Variants in CLASP1 observed in about 807,000 individuals in gnomAD.
CLASP1 encodes cytoplasmic linker associated protein 1.
Under a neutral mutation model 192.3 loss-of-function variants are expected in CLASP1, and 38 were observed. The ratio of observed to expected loss-of-function variants is 0.20; its 90% CI spans 0.15 to 0.26. The LOEUF (loss-of-function observed/expected upper bound fraction) is 0.26. CLASP1 is among the 10% of genes least tolerant of loss of function. The probability of loss-of-function intolerance (pLI) is 1.00; values close to 1 mark genes in which losing one functional copy is unlikely to be tolerated. For synonymous variants in CLASP1, 691 were observed against 712.8 expected (o/e 0.97, Z 0.49); for missense variants, 1,433 against 1,932.5 (o/e 0.74, Z 4.85).
At chr2:121,554,454 TAAAAAAAAAAA>T (rs56965310) in intron 2 of CLASP1, among the ~76,000 whole-genome samples, 3 of 87,562 alleles carry the variant, frequency 3.4e-5, no homozygotes, top group Non-Finnish European at 6.8e-5. Flanking sequence ...CTACAAAAAG[TAAAAAAAAAAA>T]AAAAAAAAAA....
In CLASP1 at chr2:121,441,745, T is replaced by TA. The variant is rs879844094; in HGVS notation, c.1912+5591dup. Reference sequence around the variant, plus strand: ...TGGGTAACAAATGAGACCCTGCCTTTAAAAAAAAAAAAATTTCCTTCATAT... The same window carrying TA: ...TGGGTAACAAATGAGACCCTGCCTTTAAAAAAAAAAAAAATTTCCTTCATAT... On this transcript the variant is annotated intron_variant, in intron 19 of 39. Transcript: ENST00000263710. Among the ~76,000 whole-genome samples the TA allele has an allele frequency of 3.1e-3, 452 of 145,590 alleles. 5 individuals are homozygous for TA. Among genetic ancestry groups the TA allele is most frequent in the East Asian group, 0.029 (143 of 5,016 alleles).
At chr2:121,377,638 T>C (rs2070562373) in exon 34 of CLASP1, 1 of 1,573,794 alleles carries the variant, frequency 6.4e-7, no homozygotes. Flanking sequence ...CTCTGTATCA[T>C]AGTCCAGCAT....
At position 121,458,991 on chromosome 2, in the gene CLASP1, G is replaced by A; in HGVS notation, c.1179-16C>T. On this transcript the variant is annotated splice_polypyrimidine_tract_variant and intron_variant, in intron 12 of 39. Transcript: ENST00000263710. Reference sequence around the variant, plus strand: ...TGACAGATGCCTAAAACAAGAAAAGGATACTGGACTATAGTTATTTTTCTT... The same window carrying A: ...TGACAGATGCCTAAAACAAGAAAAGAATACTGGACTATAGTTATTTTTCTT... 1 of 1,586,188 alleles carries A rather than the reference G, an allele frequency of 6.3e-7. No homozygotes were observed. Among genetic ancestry groups the A allele is most frequent in the Non-Finnish European group, 8.6e-7 (1 of 1,167,134 alleles).
Position 121,647,078 on chromosome 2 carries a change from TA to T in CLASP1, c.-286+2293del, listed in dbSNP as rs1348755448. Among the ~76,000 whole-genome samples, 485 of 145,310 alleles carry T rather than the reference TA, an allele frequency of 3.3e-3. 2 individuals are homozygous for T. The highest frequency in any genetic ancestry group is 0.011 in the African/African-American group (446 of 38,936). On this transcript the variant is annotated intron_variant, in intron 1 of 39. Transcript: ENST00000263710. ...AAAAAAAATCTAAATCTAAAACCAG[TA>T]AACATGGGCCGAGCGCGATTGCTCA...
At chr2:121,484,592 C>T (rs377090005) in intron 8 of CLASP1, among the ~76,000 whole-genome samples, 7 of 152,078 alleles carry the variant, frequency 4.6e-5, no homozygotes, top group East Asian at 1.9e-4. Flanking sequence ...ATATGGAGGC[C>T]AGGATTATCT....
chr2:121,468,894 G>C (rs2090152663), intron 9 of CLASP1, among the ~76,000 whole-genome samples: 1 of 152,122 alleles, frequency 6.6e-6, no homozygotes, highest in Admixed American at 6.5e-5. Context: ...GCCCTTGCTG[G>C]AGAGGGGTTG....
At chr2:121,394,042 C>T (rs1361465928) in intron 30 of CLASP1, among the ~76,000 whole-genome samples, 2 of 152,126 alleles carry the variant, frequency 1.3e-5, no homozygotes, top group African/African-American at 4.8e-5. Context: ...AAAAGAGACA[C>T]TAAAGCCCTG....
intron 1 of CLASP1, among the ~76,000 whole-genome samples, chr2:121,616,699 C>T (rs966584295): frequency 2.0e-5 from 3 of 152,172 alleles, no homozygotes; most frequent in Admixed American, 6.5e-5. Flanking sequence ...AAGAAAGACG[C>T]GCTGCCATGC....
intron 17 of CLASP1, 70 bp from the exon 18 acceptor site, chr2:121,448,395 AG>A: frequency 7.8e-7 from 1 of 1,285,280 alleles, no homozygotes; most frequent in Non-Finnish European, 1.1e-6. Flanking sequence ...AAACTACAAC[AG>A]GAAATTATTA....
intron 19 of CLASP1, among the ~76,000 whole-genome samples, chr2:121,440,372 C>T (rs2083099496): frequency 6.6e-6 from 1 of 152,128 alleles, no homozygotes; most frequent in South Asian, 2.1e-4. Flanking sequence ...ATATAAAATG[C>T]TCTGTGGTAA....
At chr2:121,341,973 T>C (rs1490461668) in intron 39 of CLASP1, among the ~76,000 whole-genome samples, 3 of 152,042 alleles carry the variant, frequency 2.0e-5, no homozygotes, top group Non-Finnish European at 4.4e-5. Context: ...CCAAAGCATC[T>C]TCTCCAACCA....
intron 23 of CLASP1, among the ~76,000 whole-genome samples, chr2:121,411,988 CTA>C (rs2077780310): frequency 6.6e-6 from 1 of 152,148 alleles, no homozygotes; most frequent in Non-Finnish European, 1.5e-5. Context: ...ACGAAAATCT[CTA>C]TGTTAGCTAT....
intron 2 of CLASP1, chr2:121,530,899 T>TA (rs2094786109): frequency 1.4e-6 from 1 of 695,334 alleles, no homozygotes; most frequent in Non-Finnish European, 2.6e-6. Flanking sequence ...TTTCTTGGGG[T>TA]TGCGCTACTG....
At chr2:121,543,719 A>G (rs947461092) in intron 2 of CLASP1, among the ~76,000 whole-genome samples, 5 of 152,052 alleles carry the variant, frequency 3.3e-5, no homozygotes, top group African/African-American at 1.2e-4. Flanking sequence ...CTAAACCCCA[A>G]TCTGAATAGT....
intron 1 of CLASP1, among the ~76,000 whole-genome samples, chr2:121,620,389 T>C (rs1190333422): frequency 1.3e-5 from 2 of 151,938 alleles, no homozygotes; most frequent in East Asian, 1.9e-4. Flanking sequence ...CTCGTTCTGT[T>C]GCCAGGCTGG....
At chr2:121,399,506 G>C (rs2075827316) in intron 28 of CLASP1, among the ~76,000 whole-genome samples, 1 of 152,164 alleles carries the variant, frequency 6.6e-6, no homozygotes, top group Non-Finnish European at 1.5e-5. Context: ...ACAGGTAAAG[G>C]AAAGGAAATT....
At chr2:121,442,900 T>C (rs1348529044) in intron 19 of CLASP1, among the ~76,000 whole-genome samples, 1 of 152,172 alleles carries the variant, frequency 6.6e-6, no homozygotes, top group African/African-American at 2.4e-5. Context: ...GTTCCAAAAA[T>C]GCAGGTGGAA....
chr2:121,447,386 C>T (rs753407654), exon 19 of CLASP1: 14 of 1,584,208 alleles, frequency 8.8e-6, no homozygotes, highest in African/African-American at 1.3e-5. Flanking sequence ...AGCTGAAAGG[C>T]GTCGTGCCCG....
chr2:121,545,686 C>A (rs1333702236), intron 2 of CLASP1, among the ~76,000 whole-genome samples: 1 of 152,010 alleles, frequency 6.6e-6, no homozygotes, highest in Non-Finnish European at 1.5e-5. Flanking sequence ...GCATTTCTGG[C>A]CAGAATATTT....
Sources: allele counts gnomAD v4.1 joint callset (sites outside exome capture counted in the v4.1 genomes callset), GRCh38; gene constraint gnomAD v4.1.1; transcripts MANE v1.5; gene names NCBI Gene and HGNC (gene_info 2026-07-23, HGNC 2026-07-21).